SPINK5: variants seen among roughly 807,000 people sequenced by gnomAD.
The protein encoded by SPINK5 is serine peptidase inhibitor Kazal type 5.
SPINK5 carries 125 observed loss-of-function variants against 151.8 expected under a neutral mutation model. The ratio of observed to expected loss-of-function variants is 0.82; its 90% confidence interval spans 0.71 to 0.96. The LOEUF is 0.96. Among genes scored for constraint, SPINK5 ranks in the 40% least tolerant of loss-of-function variants. The pLI is 0.00. For synonymous variants in SPINK5, 374 were observed against 395.3 expected (o/e 0.95, Z 0.64); for missense variants, 1,194 against 1,291.9 (o/e 0.92, Z 1.16).
Position 148,123,978 on chromosome 5 carries a change from T to A in SPINK5, c.2666+18T>A. The A allele has an allele frequency of 6.2e-7, 1 of 1,613,410 alleles. No homozygotes were observed. The highest frequency in any genetic ancestry group is 1.1e-5 in the South Asian group (1 of 91,018). ...AGCATCTTGTACGTAAAAAGGTTTA[T>A]CAATAAATTTGATAGTTGTGCCTGT... On this transcript the variant is annotated intron_variant, in intron 27 of 32. Transcript: ENST00000256084.
At chr5:148,123,796 C>T in intron 26 of SPINK5, 37 bp from the exon 27 acceptor site, 1 of 1,613,112 alleles carries the variant, frequency 6.2e-7, no homozygotes, top group Non-Finnish European at 8.5e-7. Flanking sequence ...AAAGATTATA[C>T]CATGACAGTA....
intron 24 of SPINK5, among the ~76,000 whole-genome samples, chr5:148,119,518 G>A (rs186285196): frequency 2.0e-5 from 3 of 152,254 alleles, no homozygotes; most frequent in Admixed American, 6.5e-5. Context: ...CCAAGATGTT[G>A]GTAATGCCGC....
At chr5:148,081,764 C>CAA (rs1753027706) in intron 4 of SPINK5, among the ~76,000 whole-genome samples, 5 of 151,616 alleles carry the variant, frequency 3.3e-5, no homozygotes, top group African/African-American at 1.2e-4. Flanking sequence ...TAGTATATAA[C>CAA]TAATACCTCA....
At chr5:148,066,183 C>T (rs12519144) in intron 2 of SPINK5, among the ~76,000 whole-genome samples, 106,541 of 151,910 alleles carry the variant, frequency 0.7, 37,817 homozygotes, top group East Asian at 0.91. Context: ...GAGGCCCTGA[C>T]GCAAGAAGGT....
chr5:148,072,542 A>G (rs1752767460), intron 4 of SPINK5, among the ~76,000 whole-genome samples: 1 of 151,984 alleles, frequency 6.6e-6, no homozygotes, highest in African/African-American at 2.4e-5. Context: ...CTTTCCTGGG[A>G]CTGTAGAACT....
chr5:148,125,931 A>G (rs1000073996), intron 29 of SPINK5, 81 bp downstream of exon 29: 3 of 1,592,180 alleles, frequency 1.9e-6, no homozygotes, highest in African/African-American at 1.3e-5. Context: ...AAGTTTGTAT[A>G]TTTATGAACC....
Position 148,117,112 on chromosome 5 carries a change from C to T in SPINK5, c.2112+646C>T, listed in dbSNP as rs188775845. On this transcript the variant is annotated intron_variant, in intron 22 of 32. Transcript: ENST00000256084. ...GAACACAGTTTCATAAAATTGCAGTCGCCTTATTTATCTTTTTACAACCTT... is the reference window on the plus strand; with the variant it reads ...GAACACAGTTTCATAAAATTGCAGTTGCCTTATTTATCTTTTTACAACCTT... 7.2e-5 allele frequency among the ~76,000 whole-genome samples: 11 copies of T among 152,250 alleles called. 1 individual carries two copies. In the East Asian group the frequency reaches 1.9e-3, roughly 27 times the overall value.
chr5:148,081,983 G>C (rs967501018), intron 4 of SPINK5, among the ~76,000 whole-genome samples: 3 of 151,464 alleles, frequency 2.0e-5, no homozygotes, highest in Non-Finnish European at 3.0e-5. Flanking sequence ...AACAAATGTA[G>C]TTATCTTATA....
In SPINK5 at chr5:148,125,818, T is replaced by G. The variant is rs768149893; in HGVS notation, c.2835T>G (p.Tyr945Ter). Residue 945 changes from tyrosine (Y) to a stop codon, truncating the protein, a stop_gained, in exon 29 of 33, where the codon TAT becomes TAG. Coordinates refer to ENST00000256084, the MANE Select transcript of SPINK5 (RefSeq NM_006846.4). LOFTEE classifies it high-confidence loss of function. ...DPVHGADGKF[Y>*]TNKCYMCRAV... ...TGCACGGTGCTGATGGAAAGTTCTA[T>G]ACAAACAAGTGCTACATGTGCAGAG... The G allele has an allele frequency of 1.2e-6, 2 of 1,614,232 alleles. No homozygotes were observed. The highest frequency in any genetic ancestry group is 2.2e-5 in the South Asian group (2 of 91,078).
At position 148,100,669 on chromosome 5, in the gene SPINK5, A is replaced by T; in HGVS notation, c.1220+88A>T. On this transcript the variant is annotated intron_variant, in intron 13 of 32. Coordinates refer to ENST00000256084, the MANE Select transcript of SPINK5 (RefSeq NM_006846.4). ...GTTCAATTATGGGAGGGCCACTTCA[A>T]CATAAAAATGAAAGAATTAAGGCAT... 5.5e-6 allele frequency: 8 copies of T among 1,460,316 alleles called. No homozygotes were observed. The Middle Eastern group carries it at 6.0e-4, about 110-fold the overall frequency. 90.5% of individuals were successfully genotyped at this position (1,460,316 alleles called of 1,614,324 possible).
intron 2 of SPINK5, among the ~76,000 whole-genome samples, chr5:148,067,380 C>A (rs1752612402): frequency 6.6e-6 from 1 of 152,062 alleles, no homozygotes; most frequent in Non-Finnish European, 1.5e-5. Context: ...CAAAAACAGG[C>A]CAGGGACTGG....
chr5:148,104,911 A>T, intron 15 of SPINK5, 41 bp from the exon 16 acceptor site: 1 of 1,590,420 alleles, frequency 6.3e-7, no homozygotes, highest in African/African-American at 1.4e-5. Context: ...AGAAAAAAAA[A>T]AATCCATTTC....
rs139780086 is a variant in SPINK5 at position 148,101,536 on chromosome 5, T to C, written c.1302+100T>C. On this transcript the variant is annotated intron_variant, in intron 14 of 32. Transcript: ENST00000256084. ...CATTCCTTAAAACTGTATGAAACAA[T>C]TGTACAGTTTGTGTTTTCATATGTG... 2.8e-3 allele frequency: 3,076 copies of C among 1,096,032 alleles called. 107 individuals carry two copies. In the Admixed American group the frequency reaches 0.054, roughly 19 times the overall value. The allele number at this position is 1,096,032 out of a possible 1,614,324, so 67.9% of individuals were successfully genotyped here. A position where few individuals can be genotyped will look rare whatever the true frequency, so the allele number is the denominator to read the frequency against.
chr5:148,080,216 T>C (rs952140770), intron 4 of SPINK5, among the ~76,000 whole-genome samples: 1 of 151,224 alleles, frequency 6.6e-6, no homozygotes, highest in African/African-American at 2.4e-5. Context: ...AACTATAAAA[T>C]GGTACTGAGA....
intron 9 of SPINK5, among the ~76,000 whole-genome samples, chr5:148,095,383 A>G (rs1007753781): frequency 6.6e-6 from 1 of 152,036 alleles, no homozygotes; most frequent in Non-Finnish European, 1.5e-5. Flanking sequence ...GAATGAAGAT[A>G]TGAATGAAGA....
intron 5 of SPINK5, among the ~76,000 whole-genome samples, chr5:148,087,715 G>A (rs1191498470): frequency 6.6e-6 from 1 of 151,678 alleles, no homozygotes; most frequent in Non-Finnish European, 1.5e-5. Context: ...TCTGGTCCAG[G>A]TGAAAGTTTC....
At chr5:148,126,933 G>A (rs1754446298) in intron 29 of SPINK5, 50 bp from the exon 30 acceptor site, 6 of 1,447,546 alleles carry the variant, frequency 4.1e-6, no homozygotes, top group Non-Finnish European at 5.7e-6. Context: ...CTCACTGGAA[G>A]TTATAGGAAC....
In SPINK5 at chr5:148,101,437, G is replaced by T. The variant is rs184048811; in HGVS notation, c.1302+1G>T. Reference sequence around the variant, plus strand: ...ATCTAAGAGTACAGCTTCCTTTGAGGTGAGTTTATATCCTCCAGCAACTCA... The same window carrying T: ...ATCTAAGAGTACAGCTTCCTTTGAGTTGAGTTTATATCCTCCAGCAACTCA... On this transcript the variant is annotated splice_donor_variant, in intron 14 of 32. Transcript: ENST00000256084. LOFTEE classifies it high-confidence loss of function. The T allele has an allele frequency of 1.9e-6, 3 of 1,607,854 alleles. No individual in the cohort carries two copies. Among genetic ancestry groups the T allele is most frequent in the Non-Finnish European group, 2.6e-6 (3 of 1,174,466 alleles).
In SPINK5 at chr5:148,120,926, C is replaced by T. The variant is rs77713924; in HGVS notation, c.2538+535C>T. 2.6e-3 allele frequency among the ~76,000 whole-genome samples: 394 copies of T among 151,902 alleles called. 1 individual carries two copies. Among genetic ancestry groups the T allele is most frequent in the African/African-American group, 9.0e-3 (372 of 41,444 alleles). Reference sequence around the variant, plus strand: ...TTGAGAAGCTGAGGCGGGCAGATCACGAGGTCAGGAAATCGAGACCATCCT... The same window carrying T: ...TTGAGAAGCTGAGGCGGGCAGATCATGAGGTCAGGAAATCGAGACCATCCT... On this transcript the variant is annotated intron_variant, in intron 26 of 32. Coordinates refer to ENST00000256084, the MANE Select transcript of SPINK5 (RefSeq NM_006846.4).
Sources: gnomAD v4.1 joint callset for allele counts (sites outside exome capture counted in the v4.1 genomes callset) on GRCh38, gnomAD v4.1.1 for gene constraint, MANE v1.5 for transcripts, NCBI Gene and HGNC (gene_info 2026-07-23, HGNC 2026-07-21) for gene names.